The following BRAF variants were observed in gnomAD, a reference collection of about 807,000 sequenced individuals.
The protein encoded by BRAF is serine/threonine-protein kinase B-raf.
A neutral mutation model predicts 104.6 loss-of-function variants in BRAF; 16 were observed. The observed-to-expected ratio is 0.15, with a 90% CI of 0.10 to 0.23. The LOEUF (loss-of-function observed/expected upper bound fraction) is 0.23. Among genes scored for constraint, BRAF ranks in the 10% least tolerant of loss-of-function variants. The pLI is 1.00. For synonymous variants in BRAF, 310 were observed against 341.6 expected (o/e 0.91, Z 1.02); for missense variants, 541 against 937.3 (o/e 0.58, Z 5.52).
intron 8 of BRAF, among the ~76,000 whole-genome samples, chr7:140,791,313 G>C (rs1459049301): frequency 6.6e-6 from 1 of 152,122 alleles, no homozygotes; most frequent in African/African-American, 2.4e-5. Context: ...TGCCAAAATT[G>C]ATAGTCCTTT....
chr7:140,924,483 C>T lies in BRAF; in HGVS notation c.138+83G>A. On this transcript the variant is annotated intron_variant, in intron 1 of 19. Transcript: ENST00000644969. The surrounding 1 kb of genome is among the most constrained non-coding windows in gnomAD (Gnocchi z 4.2). Reference sequence around the variant, plus strand: ...AAGGTGGCTGAGGGCATCAAGCCCCCACCGCCGCCTCTTTCCAAAATAAAC... The same window carrying T: ...AAGGTGGCTGAGGGCATCAAGCCCCTACCGCCGCCTCTTTCCAAAATAAAC... 1 of 1,524,150 alleles carries T rather than the reference C, an allele frequency of 6.6e-7. No individual in the cohort carries two copies. The highest frequency in any genetic ancestry group is 8.8e-7 in the Non-Finnish European group (1 of 1,139,586). 94.4% of individuals were successfully genotyped at this position (1,524,150 alleles called of 1,614,324 possible). A position where few individuals can be genotyped will look rare whatever the true frequency, so the allele number is the denominator to read the frequency against.
chr7:140,885,843 G>A (rs1252584775), intron 1 of BRAF, among the ~76,000 whole-genome samples: 1 of 152,190 alleles, frequency 6.6e-6, no homozygotes, highest in Non-Finnish European at 1.5e-5. Flanking sequence ...ACAATGAGTA[G>A]GGTTTTGTTA....
At chr7:140,818,424 C>T (rs574075351) in intron 3 of BRAF, among the ~76,000 whole-genome samples, 7 of 151,688 alleles carry the variant, frequency 4.6e-5, no homozygotes, top group South Asian at 2.1e-4. Flanking sequence ...GCAATTCTCC[C>T]GCCTCAGCCT....
intron 17 of BRAF, among the ~76,000 whole-genome samples, chr7:140,748,683 G>A (rs868524982): frequency 1.6e-4 from 24 of 152,180 alleles, no homozygotes; most frequent in South Asian, 4.1e-4. Context: ...GTCTAAGCGA[G>A]CCTACTGAGG....
In BRAF at chr7:140,807,963, G is replaced by A. The variant is rs138333692; in HGVS notation, c.708C>T (p.Asn236=). ...AAAAAAATGTAAAGATACATACAAA[G>A]TTGTGTGTTGTAAGTGGAACATTCT... ...VLENVPLTTH[N]FVRKTFFTLA... The change falls in exon 5 of 20, where the codon AAC becomes AAT. Residue 236 remains asparagine, a synonymous_variant. Transcript: ENST00000644969. The A allele has an allele frequency of 1.4e-4, 217 of 1,606,934 alleles. 2 individuals carry two copies. In the South Asian group the frequency reaches 1.5e-3, roughly 11 times the overall value.
chr7:140,906,289 C>A (rs1816325508), intron 1 of BRAF, among the ~76,000 whole-genome samples: 1 of 151,846 alleles, frequency 6.6e-6, no homozygotes, highest in African/African-American at 2.4e-5. Flanking sequence ...GCAGCCTCAA[C>A]CTCCTGGGCT....
intron 2 of BRAF, among the ~76,000 whole-genome samples, chr7:140,837,012 T>A (rs1302593446): frequency 6.6e-6 from 1 of 152,244 alleles, no homozygotes; most frequent in Non-Finnish European, 1.5e-5. Flanking sequence ...GATCCCTCCA[T>A]GACAGATTAT....
At position 140,902,129 on chromosome 7, in the gene BRAF, G is replaced by A. The variant is rs546406778; in HGVS notation, c.138+22437C>T. 5.3e-5 allele frequency among the ~76,000 whole-genome samples: 8 copies of A among 152,234 alleles called. No individual in the cohort carries two copies. The South Asian group carries it at 1.0e-3, about 20-fold the overall frequency. ...TGAAGGTTGGTGGCAACCCAGCATC[G>A]AGCAAATCTGTTGGCACCATTTTTC... On this transcript the variant is annotated intron_variant, in intron 1 of 19. Transcript: ENST00000644969.
chr7:140,724,671 T>C lies in BRAF; in HGVS notation c.*1823A>G. On this transcript the variant is annotated 3_prime_UTR_variant, in exon 20 of 20. Transcript: ENST00000644969. ...GGTAGTGAGCTTTTAGTGGCTGCAA[T>C]ATAGACAGCAGGGCCTGGAGTTACA... 15 of 1,034,352 alleles carry C rather than the reference T, an allele frequency of 1.5e-5. No individual in the cohort carries two copies. Among genetic ancestry groups the C allele is most frequent in the Non-Finnish European group, 1.7e-5 (15 of 859,568 alleles). The allele number at this position is 1,034,352 out of a possible 1,614,324, so 64.1% of individuals were successfully genotyped here.
chr7:140,801,168 G>C, intron 6 of BRAF: 1 of 442,680 alleles, frequency 2.3e-6, no homozygotes, highest in Non-Finnish European at 4.0e-6. Context: ...TATGGGTTAG[G>C]GGTCTTGATT....
chr7:140,863,440 T>C (rs1810620755), intron 1 of BRAF, among the ~76,000 whole-genome samples: 1 of 152,144 alleles, frequency 6.6e-6, no homozygotes, highest in Non-Finnish European at 1.5e-5. Flanking sequence ...CCACGGTAAG[T>C]AGAGTTTTAA....
At chr7:140,855,072 T>A (rs1809627692) in intron 1 of BRAF, among the ~76,000 whole-genome samples, 1 of 152,092 alleles carries the variant, frequency 6.6e-6, no homozygotes, top group Non-Finnish European at 1.5e-5. Context: ...TAAAAAAAAG[T>A]CACAATGACC....
intron 16 of BRAF, among the ~76,000 whole-genome samples, chr7:140,752,128 C>T (rs1797842504): frequency 6.6e-6 from 1 of 152,088 alleles, no homozygotes; most frequent in African/African-American, 2.4e-5. Flanking sequence ...GATGTTAACA[C>T]AGATCATTCA....
intron 7 of BRAF, among the ~76,000 whole-genome samples, chr7:140,795,859 G>A (rs1238383473): frequency 6.6e-6 from 1 of 152,084 alleles, no homozygotes; most frequent in Non-Finnish European, 1.5e-5. Flanking sequence ...GTTCCATCTA[G>A]GTCCTTTTTA....
chr7:140,799,294 C>A (rs1174042264), intron 7 of BRAF: 4 of 232,766 alleles, frequency 1.7e-5, no homozygotes, highest in African/African-American at 8.8e-5. Context: ...CTGCCTCTCT[C>A]AGTTTTCACT....
chr7:140,838,155 C>T (rs751280688), intron 2 of BRAF, among the ~76,000 whole-genome samples: 42 of 152,198 alleles, frequency 2.8e-4, no homozygotes, highest in Non-Finnish European at 5.1e-4. Context: ...CCTATTCCTT[C>T]TCATCAAAAC....
intron 14 of BRAF, among the ~76,000 whole-genome samples, chr7:140,766,752 G>T (rs1799368824): frequency 6.6e-6 from 1 of 151,976 alleles, no homozygotes; most frequent in African/African-American, 2.4e-5. Context: ...GTTTTGCCAT[G>T]TTGCCTAGGG....
chr7:140,769,633 C>G (rs924061720), intron 14 of BRAF, among the ~76,000 whole-genome samples: 2 of 152,152 alleles, frequency 1.3e-5, no homozygotes, highest in African/African-American at 2.4e-5. Context: ...CTACTATATA[C>G]GATTCTACTG....
intron 1 of BRAF, among the ~76,000 whole-genome samples, chr7:140,863,609 C>T (rs896342168): frequency 1.3e-5 from 2 of 152,126 alleles, no homozygotes; most frequent in South Asian, 2.1e-4. Context: ...GGAGGTGGGG[C>T]CTGGTTGGAG....
Sources: allele counts gnomAD v4.1 joint callset (sites outside exome capture counted in the v4.1 genomes callset), GRCh38; gene constraint gnomAD v4.1.1; non-coding constraint Gnocchi (gnomAD v3.1); transcripts MANE v1.5; gene names NCBI Gene and HGNC (gene_info 2026-07-23, HGNC 2026-07-21).